Variants in USP9X observed in about 807,000 individuals in gnomAD.
The protein encoded by USP9X is ubiquitin carboxyl-terminal hydrolase 9X.
A neutral mutation model predicts 190.3 loss-of-function variants in USP9X; 7 were observed. The ratio of observed to expected loss-of-function variants is 0.04; its 90% CI spans 0.02 to 0.07. USP9X has a LOEUF of 0.07. Ranked by LOEUF, USP9X falls within the 10% of genes least tolerant of loss-of-function variation. The pLI is 1.00. For missense variants in USP9X, 1,010 were observed against 1,916.9 expected (o/e 0.53, Z 8.83); for synonymous variants, 645 against 659.5 (o/e 0.98, Z 0.34).
chrX:41,189,100 A>C (rs1038792022), intron 25 of USP9X, among the ~76,000 whole-genome samples: 4 of 112,348 alleles, frequency 3.6e-5, no homozygotes, highest in African/African-American at 1.3e-4. Context: ...TCCTGAAGAC[A>C]TAGGAAAATA....
intron 1 of USP9X, among the ~76,000 whole-genome samples, chrX:41,089,403 T>C (rs1424030786): frequency 1.8e-5 from 2 of 111,950 alleles, no homozygotes; most frequent in Admixed American, 1.9e-4. Context: ...ATAGTTTAGT[T>C]TTTAAGACTA....
At chrX:41,221,451 G>A (rs148734196) in intron 38 of USP9X, among the ~76,000 whole-genome samples, 1 of 111,318 alleles carries the variant, frequency 9.0e-6, no homozygotes, top group Non-Finnish European at 1.9e-5. Context: ...AGTGCATCAC[G>A]GGGGGCATGG....
In USP9X at chrX:41,183,911, A is replaced by G. The variant is rs750622146; in HGVS notation, c.3149-87A>G. The stretch of plus-strand genomic sequence containing the variant: ...GCCCAACTGAGTGGATTGTTATTCC[A>G]TATTAGTATGGTCTTCAAGATATCA... On this transcript the variant is annotated intron_variant, in intron 21 of 44. Transcript: ENST00000378308. The G allele has an allele frequency of 1.4e-4, 146 of 1,058,354 alleles. No homozygotes were observed. In the South Asian group the frequency reaches 3.7e-3, roughly 27 times the overall value. 87.2% of individuals were successfully genotyped at this position (1,058,354 alleles called of 1,213,427 possible).
intron 41 of USP9X, among the ~76,000 whole-genome samples, chrX:41,226,080 C>T (rs749439526): frequency 2.7e-5 from 3 of 110,613 alleles, no homozygotes; most frequent in South Asian, 3.8e-4. Flanking sequence ...CCACAGATGA[C>T]GAAGAAAGCA....
At chrX:41,140,928 T>G in intron 7 of USP9X, 38 bp from the exon 8 acceptor site, 4 of 1,140,679 alleles carry the variant, frequency 3.5e-6, no homozygotes, top group Non-Finnish European at 4.6e-6. Flanking sequence ...TTTAAGAAAT[T>G]GCGTATTTAC....
chrX:41,205,850 T>TA (rs1449917368), intron 32 of USP9X, among the ~76,000 whole-genome samples: 1 of 109,195 alleles, frequency 9.2e-6, no homozygotes, highest in Non-Finnish European at 1.9e-5. Context: ...TCTATATTCT[T>TA]AACCTATTTT....
chrX:41,112,410 T>C (rs762467510), intron 1 of USP9X, among the ~76,000 whole-genome samples: 57 of 112,352 alleles, frequency 5.1e-4, no homozygotes, highest in African/African-American at 1.6e-3. Flanking sequence ...ACGGAAATTA[T>C]TGTGATCTTG....
At position 41,184,001 on chromosome X, in the gene USP9X, G is replaced by T; in HGVS notation, c.3152G>T (p.Ser1051Ile). Residue 1051 changes from serine (S) to isoleucine (I), a missense_variant, in exon 22 of 45, where the codon AGC becomes ATC. Coordinates refer to ENST00000378308, the MANE Select transcript of USP9X (RefSeq NM_001039591.3). ...RVLMKLMPPD[S>I]TTIEKLRAIC... ...ACTGTCTCTTTTTTTCCTCCAGATA[G>T]CACAACGATAGAAAAATTAAGAGCT... 8.3e-7 allele frequency: 1 copy of T among 1,199,308 alleles called. No individual in the cohort carries two copies.
In USP9X at chrX:41,168,215, C is replaced by T. The variant is rs2147118300; in HGVS notation, c.2633C>T (p.Ser878Leu). The change falls in exon 18 of 45, where the codon TCG (serine) becomes TTG (leucine). Residue 878 changes from serine (S) to leucine (L), a missense_variant. Ser to Leu is a moderately radical substitution (Grantham distance 145). This residue lies in a region of USP9X where 351 missense variants were observed against 480.8 expected (regional missense o/e 0.73). Transcript: ENST00000378308. ...YHEERTILPM[S>L]RAFRGKHLSF... ...GAGGAAAGAACAATTCTCCCTATGT[C>T]GAGGTTTGTGAATAACTAATCTATT... is the stretch of plus-strand genomic sequence containing the variant. 1 of 1,188,044 alleles carries T rather than the reference C, an allele frequency of 8.4e-7. No homozygotes were observed.
At chrX:41,129,739 A>T (rs2062291497) in intron 3 of USP9X, among the ~76,000 whole-genome samples, 1 of 111,751 alleles carries the variant, frequency 8.9e-6, no homozygotes, top group Non-Finnish European at 1.9e-5. Context: ...ATCCCATGTG[A>T]CTGTGATCTT....
At chrX:41,191,747 A>G (rs1406581726) in intron 26 of USP9X, among the ~76,000 whole-genome samples, 1 of 112,127 alleles carries the variant, frequency 8.9e-6, no homozygotes, top group African/African-American at 3.2e-5. Flanking sequence ...CACTCAAGGA[A>G]CTTTGAGAGA....
chrX:41,129,076 C>T lies in USP9X; in HGVS notation c.173C>T (p.Pro58Leu). 1 of 1,210,830 alleles carries T rather than the reference C, an allele frequency of 8.3e-7. No individual in the cohort carries two copies. Among genetic ancestry groups the T allele is most frequent in the Non-Finnish European group, 1.1e-6 (1 of 895,029 alleles). The change falls in exon 3 of 45, where the codon CCA (proline) becomes CTA (leucine). Residue 58 changes from proline to leucine, a missense_variant. Around this residue, in one of 11 missense-constraint regions of USP9X, gnomAD observed 176 missense variants for 247.5 expected, o/e 0.71. Coordinates refer to ENST00000378308, the MANE Select transcript of USP9X (RefSeq NM_001039591.3). ...GAGCAAGGTCAAGGTGATGCCCCAC[C>T]ACAGCTTGAAGATGAGGAACCTGCA... ...PDEQGQGDAP[P>L]QLEDEEPAFP... is the part of the protein sequence containing the mutation.
At chrX:41,170,355 C>G in intron 19 of USP9X, 115 bp from the exon 20 acceptor site, 1 of 1,064,677 alleles carries the variant, frequency 9.4e-7, no homozygotes, top group Non-Finnish European at 1.3e-6. Flanking sequence ...AGAGTTATAG[C>G]ATTAAAGTAT....
At chrX:41,090,667 T>C (rs2061949228) in intron 1 of USP9X, among the ~76,000 whole-genome samples, 1 of 111,907 alleles carries the variant, frequency 8.9e-6, no homozygotes, top group Non-Finnish European at 1.9e-5. Flanking sequence ...AACCAGAGGT[T>C]TTTTTTTGCA....
chrX:41,105,101 G>A (rs1325573689), intron 1 of USP9X, among the ~76,000 whole-genome samples: 1 of 111,557 alleles, frequency 9.0e-6, no homozygotes, highest in African/African-American at 3.3e-5. Context: ...GCAGGTATAA[G>A]GGGGAGGGTT....
intron 1 of USP9X, among the ~76,000 whole-genome samples, chrX:41,097,933 G>T (rs1477315176): frequency 1.8e-5 from 2 of 111,380 alleles, no homozygotes; most frequent in African/African-American, 3.3e-5. Flanking sequence ...TCTTTTGAGT[G>T]GCTTATCTAC....
rs1293165903 is a variant in USP9X, at chrX:41,230,602, C to T, written c.7527+6C>T. The T allele has an allele frequency of 2.5e-6, 3 of 1,192,304 alleles. No individual in the cohort carries two copies. Among genetic ancestry groups the T allele is most frequent in the Non-Finnish European group, 3.4e-6 (3 of 881,820 alleles). ...CTGGATCTCAGTATCAACAGGTAAACAGGAGTCAGTTTATGCTTTTATCCC... is the reference window on the plus strand; with the variant it reads ...CTGGATCTCAGTATCAACAGGTAAATAGGAGTCAGTTTATGCTTTTATCCC... On this transcript the variant is annotated splice_donor_region_variant and intron_variant, in intron 44 of 44. Coordinates refer to ENST00000378308, the MANE Select transcript of USP9X (RefSeq NM_001039591.3).
intron 1 of USP9X, among the ~76,000 whole-genome samples, chrX:41,091,374 C>T (rs1282114028): frequency 8.9e-6 from 1 of 111,743 alleles, no homozygotes; most frequent in Non-Finnish European, 1.9e-5. Flanking sequence ...TCTGGTGTCA[C>T]CCCTTACTCC....
rs760095695 is a variant in USP9X at position 41,232,143 on chromosome X, A to T, written c.7528-244A>T. Among the ~76,000 whole-genome samples the T allele has an allele frequency of 5.4e-5, 6 of 111,703 alleles. No individual in the cohort carries two copies. The South Asian group carries it at 2.2e-3, about 42-fold the overall frequency. On this transcript the variant is annotated intron_variant, in intron 44 of 44. Coordinates refer to ENST00000378308, the MANE Select transcript of USP9X (RefSeq NM_001039591.3). ...GCACTAAAAATCACTTTGGCCAAAG[A>T]TTTATGTGGACCTACACAATCACTG...
Sources: gnomAD v4.1 joint callset for allele counts (sites outside exome capture counted in the v4.1 genomes callset) on GRCh38, gnomAD v4.1.1 for gene constraint, gnomAD v4.1.1 regional missense constraint, MANE v1.5 for transcripts, NCBI Gene and HGNC (gene_info 2026-07-23, HGNC 2026-07-21) for gene names.